TBL1Y: variants seen among roughly 807,000 people sequenced by gnomAD.
The protein encoded by TBL1Y is transducin beta like 1 Y-linked.
Under a neutral mutation model 12.0 loss-of-function variants are expected in TBL1Y, and 15 were observed. The observed-to-expected ratio is 1.25, with a 90% CI of 0.83 to 1.92. The LOEUF (loss-of-function observed/expected upper bound fraction) is 1.92. Among genes scored for constraint, TBL1Y ranks in the 40% most tolerant of loss-of-function variants. The pLI is 0.00. For synonymous variants in TBL1Y, 53 were observed against 42.6 expected, an observed-to-expected ratio of 1.24 and a Z score of -0.95; for missense variants, 148 against 116.7, an observed-to-expected ratio of 1.27 and a Z score of -1.24.
chrY:6,976,597 G>C, intron 2 of TBL1Y, among the ~76,000 whole-genome samples: 1 of 33,290 alleles, frequency 3.0e-5, no homozygotes, highest in South Asian at 6.8e-4. Context: ...CCCACACCTA[G>C]TAACTGACAA....
intron 7 of TBL1Y, among the ~76,000 whole-genome samples, chrY:7,062,956 C>G (rs2012893563): frequency 1.2e-4 from 4 of 33,944 alleles, no homozygotes; most frequent in Non-Finnish European, 1.5e-4. Flanking sequence ...TTTCCCTGGT[C>G]TGTGCACAGA....
rs891891883 is a variant in TBL1Y, at chrY:7,021,465, G to A, written c.-123G>A. 1 of 32,833 alleles carries A rather than the reference G, an allele frequency of 3.0e-5. No individual in the cohort carries two copies. The highest frequency in any genetic ancestry group is 1.2e-4 in the African/African-American group (1 of 8,403). The allele number at this position is 32,833 out of a possible 400,897, so 8.2% of individuals were successfully genotyped here. A position where few individuals can be genotyped will look rare whatever the true frequency, so the allele number is the denominator to read the frequency against. ...TCTCCCTAGGCTGGTCCCCACAGAC[G>A]GCTTGCCATTTCTATGACTGGATGC... On this transcript the variant is annotated 5_prime_UTR_variant, in exon 5 of 19. Coordinates refer to ENST00000383032, the MANE Select transcript of TBL1Y (RefSeq NM_033284.2).
chrY:7,046,142 C>G, intron 7 of TBL1Y, among the ~76,000 whole-genome samples: 1 of 32,736 alleles, frequency 3.1e-5, no homozygotes, highest in Non-Finnish European at 7.4e-5. Context: ...TCTTGTCATT[C>G]CAGTTGAAGA....
At chrY:6,929,020 T>C in intron 2 of TBL1Y, among the ~76,000 whole-genome samples, 1 of 32,827 alleles carries the variant, frequency 3.0e-5, no homozygotes, top group Non-Finnish European at 7.5e-5. Context: ...GGAGTTTTTA[T>C]GGTCTCAGAA....
Position 6,912,867 on chromosome Y carries a change from A to G in TBL1Y, c.-266+695A>G, listed in dbSNP as rs750721695. On this transcript the variant is annotated intron_variant, in intron 2 of 18. Coordinates refer to ENST00000383032, the MANE Select transcript of TBL1Y (RefSeq NM_033284.2). ...AAAAAAAAAAAAAACACTGTGTGCAAAAATTACTGTAGACACTCTTAGAAG... is the reference window on the plus strand; with the variant it reads ...AAAAAAAAAAAAAACACTGTGTGCAGAAATTACTGTAGACACTCTTAGAAG... 2.5e-4 allele frequency among the ~76,000 whole-genome samples: 8 copies of G among 31,657 alleles called. No individual in the cohort carries two copies. In the South Asian group the frequency reaches 6.0e-3, roughly 24 times the overall value. 84.9% of individuals were successfully genotyped at this position (31,657 alleles called of 37,273 possible).
intron 7 of TBL1Y, among the ~76,000 whole-genome samples, chrY:7,062,081 G>A: frequency 3.1e-5 from 1 of 32,270 alleles, no homozygotes; most frequent in Admixed American, 2.8e-4. Context: ...TGAGTAGAGG[G>A]GGAATTTGGA....
chrY:6,993,789 G>C, intron 3 of TBL1Y, among the ~76,000 whole-genome samples: 1 of 30,909 alleles, frequency 3.2e-5, no homozygotes, highest in Non-Finnish European at 7.7e-5. Flanking sequence ...ACAGTGGCTG[G>C]TCCTGGCTGC....
At chrY:6,998,011 G>T in intron 4 of TBL1Y, among the ~76,000 whole-genome samples, 1 of 33,919 alleles carries the variant, frequency 2.9e-5, no homozygotes, top group Non-Finnish European at 7.3e-5. Context: ...CTGAGACCTC[G>T]TGTGGGGCTA....
At chrY:7,015,441 C>T (rs1035239371) in intron 4 of TBL1Y, among the ~76,000 whole-genome samples, 5 of 33,664 alleles carry the variant, frequency 1.5e-4, no homozygotes, top group Non-Finnish European at 3.7e-4. Flanking sequence ...CACATGTGCA[C>T]ATGTTGGTTG....
At chrY:6,994,420 A>C (rs1019434757) in intron 3 of TBL1Y, among the ~76,000 whole-genome samples, 1 of 33,440 alleles carries the variant, frequency 3.0e-5, no homozygotes, top group African/African-American at 1.2e-4. Context: ...TCATTATAGT[A>C]ATGTTTTCAC....
At chrY:7,047,399 G>C (rs940179050) in intron 7 of TBL1Y, among the ~76,000 whole-genome samples, 1 of 33,585 alleles carries the variant, frequency 3.0e-5, no homozygotes, top group Non-Finnish European at 7.3e-5. Flanking sequence ...TGTACCTGAA[G>C]AATTTGTAAG....
chrY:7,063,178 C>T (rs780173527), intron 7 of TBL1Y, among the ~76,000 whole-genome samples: 58 of 33,275 alleles, frequency 1.7e-3, no homozygotes, highest in Admixed American at 2.7e-3. Context: ...CCCGGACGAG[C>T]CCCGAAATTG....
At chrY:6,972,788 T>G (rs2012215190) in intron 2 of TBL1Y, among the ~76,000 whole-genome samples, 1 of 33,323 alleles carries the variant, frequency 3.0e-5, no homozygotes, top group Admixed American at 2.7e-4. Context: ...CTCTGTGTGT[T>G]TTCAAAACAC....
chrY:6,957,755 C>A, intron 2 of TBL1Y, among the ~76,000 whole-genome samples: 4 of 33,575 alleles, frequency 1.2e-4, no homozygotes, highest in Non-Finnish European at 1.5e-4. Context: ...AAATTTAAAG[C>A]CCACAATCAA....
intron 2 of TBL1Y, among the ~76,000 whole-genome samples, chrY:6,958,468 G>T: frequency 9.0e-5 from 3 of 33,327 alleles, no homozygotes; most frequent in Non-Finnish European, 1.5e-4. Context: ...ACTGAGAAAA[G>T]AAATAAGACA....
intron 2 of TBL1Y, among the ~76,000 whole-genome samples, chrY:6,921,247 C>T: frequency 3.1e-5 from 1 of 32,494 alleles, no homozygotes; most frequent in Admixed American, 2.8e-4. Context: ...ACAGTAGTCT[C>T]CAGATGTTCA....
chrY:7,059,415 G>A (rs2124170234), intron 7 of TBL1Y, among the ~76,000 whole-genome samples: 1 of 33,025 alleles, frequency 3.0e-5, no homozygotes. Flanking sequence ...CCACGACTCT[G>A]GAGGGGGTGG....
intron 3 of TBL1Y, among the ~76,000 whole-genome samples, chrY:6,993,661 G>C (rs927540721): frequency 1.3e-4 from 4 of 31,801 alleles, no homozygotes; most frequent in African/African-American, 2.5e-4. Flanking sequence ...TTCTGTTCTT[G>C]TGTTAGTTTG....
intron 7 of TBL1Y, among the ~76,000 whole-genome samples, chrY:7,043,340 C>T (rs772752033): frequency 5.0e-3 from 155 of 31,067 alleles, no homozygotes; most frequent in Non-Finnish European, 9.2e-3. Context: ...GACAACCTGG[C>T]GAAACACCAT....
Sources: gnomAD v4.1 joint callset for allele counts (sites outside exome capture counted in the v4.1 genomes callset) on GRCh38, gnomAD v4.1.1 for gene constraint, MANE v1.5 for transcripts, NCBI Gene and HGNC (gene_info 2026-07-23, HGNC 2026-07-21) for gene names.